Variants in AOPEP observed in about 807,000 individuals in gnomAD.
AOPEP encodes aminopeptidase O (putative), also known as aminopeptidase O.
In AOPEP, 77 loss-of-function variants were observed where a neutral mutation model predicts 98.1. The observed-to-expected ratio is 0.78, with a 90% confidence interval of 0.65 to 0.95. The LOEUF (loss-of-function observed/expected upper bound fraction) is 0.95. AOPEP is among the 40% of genes least tolerant of loss of function. The pLI is 0.00. For missense variants in AOPEP, 1,024 were observed against 1,024.7 expected (o/e 1.00, Z 0.01); for synonymous variants, 346 against 365.3 (o/e 0.95, Z 0.60).
chr9:94,964,493 C>G (rs569398987), intron 9 of AOPEP, among the ~76,000 whole-genome samples: 1 of 151,992 alleles, frequency 6.6e-6, no homozygotes, highest in South Asian at 2.1e-4. Context: ...CAATTAAATT[C>G]CCCCCGTTGC....
chr9:94,786,745 C>T (rs576547946), intron 3 of AOPEP, among the ~76,000 whole-genome samples: 2 of 152,336 alleles, frequency 1.3e-5, no homozygotes, highest in African/African-American at 2.4e-5. Flanking sequence ...ATGATCTCAG[C>T]GCTGGCTCCA....
At position 94,900,151 on chromosome 9, in the gene AOPEP, G is replaced by A. The variant is rs148815509; in HGVS notation, c.1365-23835G>A. On this transcript the variant is annotated intron_variant, in intron 5 of 16. Coordinates refer to ENST00000375315, the MANE Select transcript of AOPEP (RefSeq NM_001193329.3). ...AAGGCCAGACTGACTGCTGGCCGCCGCCAACTAGCTAGCTATGTGAGCCAA... is the reference window on the plus strand; with the variant it reads ...AAGGCCAGACTGACTGCTGGCCGCCACCAACTAGCTAGCTATGTGAGCCAA... Among the ~76,000 whole-genome samples the A allele has an allele frequency of 7.5e-3, 1,146 of 152,278 alleles. 19 individuals are homozygous for A. The highest frequency in any genetic ancestry group is 0.025 in the African/African-American group (1,052 of 41,554).
chr9:94,809,366 A>C (rs1036395373), intron 5 of AOPEP, among the ~76,000 whole-genome samples: 4 of 152,210 alleles, frequency 2.6e-5, no homozygotes, highest in Admixed American at 1.3e-4. Flanking sequence ...GTATTCCCCC[A>C]ACTGTTGTGT....
chr9:94,743,734 G>A (rs563239380), intron 1 of AOPEP, among the ~76,000 whole-genome samples: 4 of 152,264 alleles, frequency 2.6e-5, no homozygotes, highest in Middle Eastern at 3.4e-3. Context: ...GGACCCGGGG[G>A]TGAGGACAGG....
chr9:94,727,043 GCCT>G (rs1829355779), intron 1 of AOPEP, among the ~76,000 whole-genome samples: 1 of 152,206 alleles, frequency 6.6e-6, no homozygotes, highest in Non-Finnish European at 1.5e-5. Flanking sequence ...GCCTCTGGGT[GCCT>G]CCTCCTTCGT....
the AOPEP span, chr9:95,114,512 T>G: frequency 2.2e-6 from 2 of 918,456 alleles, no homozygotes; most frequent in African/African-American, 1.6e-5. Flanking sequence ...TGCTCACCTG[T>G]TTGGTGATGG....
In AOPEP at chr9:94,868,379, A is replaced by G. The variant is rs115266862; in HGVS notation, c.1365-55607A>G. Among the ~76,000 whole-genome samples the G allele has an allele frequency of 2.8e-3, 419 of 152,032 alleles. 2 individuals are homozygous for G. Among genetic ancestry groups the G allele is most frequent in the African/African-American group, 9.7e-3 (402 of 41,438 alleles). On this transcript the variant is annotated intron_variant, in intron 5 of 16. Transcript: ENST00000375315. ...TGTGCTTGCTGACTTGAGAACATCT[A>G]TTTTCTTCAATTTTAGATGTAACAC... is the stretch of plus-strand genomic sequence containing the variant.
intron 14 of AOPEP, among the ~76,000 whole-genome samples, chr9:95,077,399 C>G (rs560018813): frequency 4.1e-4 from 63 of 152,308 alleles, no homozygotes; most frequent in Non-Finnish European, 7.9e-4. Flanking sequence ...GCCGGTCGCC[C>G]CGCCAGGATG....
chr9:95,116,621 G>T, the AOPEP span, among the ~76,000 whole-genome samples: 1 of 152,192 alleles, frequency 6.6e-6, no homozygotes, highest in Non-Finnish European at 1.5e-5. Context: ...CTGTGCCCAT[G>T]TCAGGACTGC....
chr9:94,887,608 A>C (rs2048385853), intron 5 of AOPEP, among the ~76,000 whole-genome samples: 1 of 152,130 alleles, frequency 6.6e-6, no homozygotes, highest in Non-Finnish European at 1.5e-5. Context: ...AGAGGCTGCT[A>C]CTAGATTGAG....
intron 10 of AOPEP, among the ~76,000 whole-genome samples, chr9:94,971,228 G>A (rs1192530227): frequency 6.6e-6 from 1 of 152,026 alleles, no homozygotes; most frequent in Non-Finnish European, 1.5e-5. Flanking sequence ...TCTTAATGGT[G>A]GCCCCCAATC....
At chr9:94,982,565 CTT>C (rs532615813) in intron 11 of AOPEP, among the ~76,000 whole-genome samples, 35 of 134,542 alleles carry the variant, frequency 2.6e-4, no homozygotes, top group Admixed American at 3.1e-4. Context: ...AAGAGCAATA[CTT>C]TTTTTTTTTT....
At chr9:95,121,739 C>A in the AOPEP span, among the ~76,000 whole-genome samples, 15 of 148,896 alleles carry the variant, frequency 1.0e-4, no homozygotes, top group Non-Finnish European at 1.8e-4. Flanking sequence ...GTATGCTGCT[C>A]CTGTTTGTTT....
chr9:94,899,329 C>G (rs1159048949), intron 5 of AOPEP, among the ~76,000 whole-genome samples: 1 of 147,952 alleles, frequency 6.8e-6, no homozygotes, highest in Non-Finnish European at 1.5e-5. Flanking sequence ...GGACTATAGG[C>G]GCCCGCCACC....
chr9:94,835,115 C>G (rs900859007), intron 5 of AOPEP, among the ~76,000 whole-genome samples: 3 of 152,146 alleles, frequency 2.0e-5, no homozygotes, highest in African/African-American at 7.2e-5. Flanking sequence ...TAAGTTATTT[C>G]ATAGGGGGAA....
intron 4 of AOPEP, among the ~76,000 whole-genome samples, chr9:94,796,342 T>C (rs1014761549): frequency 6.6e-6 from 1 of 152,244 alleles, no homozygotes; most frequent in African/African-American, 2.4e-5. Flanking sequence ...TGCTTAGTTC[T>C]GCCCTGGCTG....
intron 15 of AOPEP, 200 bp downstream of exon 15, chr9:95,080,980 T>A (rs2069686535): frequency 3.5e-6 from 2 of 575,478 alleles, no homozygotes; most frequent in Admixed American, 6.1e-5. Context: ...AGGATTGAGT[T>A]GAGCACCTTC....
At chr9:95,005,294 T>C (rs1224633765) in intron 12 of AOPEP, 74 bp downstream of exon 12, 2 of 840,164 alleles carry the variant, frequency 2.4e-6, no homozygotes, top group Non-Finnish European at 3.0e-6. Context: ...AGGCCCTGGC[T>C]CTGCGCTGCG....
At chr9:95,030,573 G>C (rs565296008) in intron 13 of AOPEP, among the ~76,000 whole-genome samples, 1 of 152,138 alleles carries the variant, frequency 6.6e-6, no homozygotes, top group Non-Finnish European at 1.5e-5. Context: ...GGATCGTGTC[G>C]GACTGTGAGA....
Sources: allele counts gnomAD v4.1 joint callset (sites outside exome capture counted in the v4.1 genomes callset), GRCh38; gene constraint gnomAD v4.1.1; transcripts MANE v1.5; gene names NCBI Gene and HGNC (gene_info 2026-07-23, HGNC 2026-07-21).